The following FLT4 variants were observed in gnomAD, a reference collection of about 807,000 sequenced individuals.
The protein encoded by FLT4 is vascular endothelial growth factor receptor 3.
In FLT4, 30 loss-of-function variants were observed where a neutral mutation model predicts 163.2. That is an observed-to-expected ratio of 0.18 (90% CI 0.14 to 0.25). The LOEUF is 0.25. FLT4 is among the 10% of genes least tolerant of loss of function. The pLI, the probability that FLT4 is intolerant of heterozygous loss-of-function variation, is 1.00. For synonymous variants in FLT4, 884 were observed against 789.5 expected (o/e 1.12, Z -2.01); for missense variants, 1,510 against 1,863.8 (o/e 0.81, Z 3.50).
intron 1 of FLT4, among the ~76,000 whole-genome samples, chr5:180,635,848 G>A (rs111720869): frequency 7.9e-6 from 1 of 126,944 alleles, no homozygotes; most frequent in South Asian, 2.6e-4. Context: ...TGGATGCATG[G>A]ATGGAAGTAT....
intron 1 of FLT4, among the ~76,000 whole-genome samples, chr5:180,646,268 C>T (rs1282242265): frequency 6.6e-6 from 1 of 152,170 alleles, no homozygotes; most frequent in Non-Finnish European, 1.5e-5. Context: ...CTGTCCCCAC[C>T]ATCCCCAGCT....
chr5:180,613,178 C>A, intron 24 of FLT4, 68 bp from the exon 25 acceptor site: 2 of 1,135,704 alleles, frequency 1.8e-6, no homozygotes, highest in South Asian at 2.6e-5. Context: ...CCCCAAGTCA[C>A]CCCATCCTGT....
At chr5:180,625,054 G>C (rs1016482444) in intron 10 of FLT4, among the ~76,000 whole-genome samples, 3 of 152,156 alleles carry the variant, frequency 2.0e-5, no homozygotes, top group Non-Finnish European at 4.4e-5. Context: ...CACCCCTACT[G>C]AGCCTCCCCC....
Position 180,630,185 on chromosome 5 carries a change from GAT to G in FLT4, c.513+38_513+39del. On this transcript the variant is annotated intron_variant, in intron 4 of 29. Transcript: ENST00000261937. This position sits in a 1 kb window ranked among gnomAD's most constrained non-coding sequence, Gnocchi z 6.3. ...AGGCGGCCGCCTTTCCCAGGGGTGG[GAT>G]GGGAGGGTCGGATGCTGGGGTTGGG... The G allele has an allele frequency of 1.3e-6, 1 of 798,986 alleles. No homozygotes were observed. Among genetic ancestry groups the G allele is most frequent in the Non-Finnish European group, 2.0e-6 (1 of 497,356 alleles). The allele number at this position is 798,986 out of a possible 1,614,324, so 49.5% of individuals were successfully genotyped here. A position where few individuals can be genotyped will look rare whatever the true frequency, so the allele number is the denominator to read the frequency against.
At chr5:180,647,718 C>G (rs1393248814) in intron 1 of FLT4, among the ~76,000 whole-genome samples, 1 of 152,034 alleles carries the variant, frequency 6.6e-6, no homozygotes, top group East Asian at 1.9e-4. Context: ...GGAGGGATGA[C>G]CTCTGTCTTC....
At chr5:180,638,976 T>A (rs1764889904) in intron 1 of FLT4, among the ~76,000 whole-genome samples, 2 of 132,302 alleles carry the variant, frequency 1.5e-5, no homozygotes, top group Admixed American at 2.0e-4. Flanking sequence ...CAGTGAACAC[T>A]CGTTGAATGA....
chr5:180,619,934 G>T lies in FLT4; in HGVS notation c.2543-165C>A, dbSNP rs392227. On this transcript the variant is annotated intron_variant, in intron 17 of 29. Coordinates refer to ENST00000261937, the MANE Select transcript of FLT4 (RefSeq NM_182925.5). Reference sequence around the variant, plus strand: ...CAAGGAGAGGTGGACAGGAGGCCGCGCATCCTCCCGGGTAGGTGTGACAGA... The same window carrying T: ...CAAGGAGAGGTGGACAGGAGGCCGCTCATCCTCCCGGGTAGGTGTGACAGA... Among the ~76,000 whole-genome samples the T allele has an allele frequency of 0.61, 92,777 of 151,924 alleles. 28,812 individuals carry two copies. Among genetic ancestry groups the T allele is most frequent in the Admixed American group, 0.7 (10,697 of 15,278 alleles).
chr5:180,622,242 C>T (rs748509430), intron 12 of FLT4, among the ~76,000 whole-genome samples: 3 of 152,068 alleles, frequency 2.0e-5, no homozygotes, highest in Non-Finnish European at 2.9e-5. Context: ...CCCCAGCCCC[C>T]GGGTGTTCTT....
chr5:180,638,460 G>A (rs1764851148), intron 1 of FLT4, among the ~76,000 whole-genome samples: 1 of 152,204 alleles, frequency 6.6e-6, no homozygotes, highest in South Asian at 2.1e-4. Flanking sequence ...CCCCAAAGTG[G>A]CTTCTGGGGC....
In FLT4 at chr5:180,602,194, C is replaced by T. The variant is rs980783526; in HGVS notation, c.*998G>A. On this transcript the variant is annotated 3_prime_UTR_variant, in exon 30 of 30. Coordinates refer to ENST00000261937, the MANE Select transcript of FLT4 (RefSeq NM_182925.5). Reference sequence around the variant, plus strand: ...GCTGGGTGGTCCTTTGTGCCAGCCCCGAGCCTTCCTGAGTGGATCCCACAG... The same window carrying T: ...GCTGGGTGGTCCTTTGTGCCAGCCCTGAGCCTTCCTGAGTGGATCCCACAG... The T allele has an allele frequency of 3.4e-5, 8 of 235,698 alleles. No homozygotes were observed. Among genetic ancestry groups the T allele is most frequent in the Admixed American group, 1.1e-4 (2 of 17,816 alleles). The allele number at this position is 235,698 out of a possible 1,614,324, so 14.6% of individuals were successfully genotyped here. A position where few individuals can be genotyped will look rare whatever the true frequency, so the allele number is the denominator to read the frequency against.
At chr5:180,628,180 G>A (rs762207881) in intron 8 of FLT4, among the ~76,000 whole-genome samples, 5 of 152,162 alleles carry the variant, frequency 3.3e-5, no homozygotes, top group South Asian at 2.1e-4. Context: ...CTGCTTCCTC[G>A]TCTATGCAAT....
rs767403363 is a variant in FLT4 at position 180,612,973 on chromosome 5, GCTGTCCCCAAAAC to G, written c.3431+25_3431+37del. ...CACAACCCCCACGCCCCCGACGCTT[GCTGTCCCCAAAAC>G]CTGCAGGGCCATGGGGAGGCTCACA... On this transcript the variant is annotated intron_variant, in intron 25 of 29. Transcript: ENST00000261937. The G allele has an allele frequency of 3.9e-6, 6 of 1,522,202 alleles. No individual in the cohort carries two copies. The East Asian group carries it at 6.8e-5, about 17-fold the overall frequency. 94.3% of individuals were successfully genotyped at this position (1,522,202 alleles called of 1,614,324 possible).
Position 180,619,031 on chromosome 5 carries a change from C to A in FLT4, c.2840G>T (p.Ser947Ile). Residue 947 changes from serine (S) to isoleucine (I), a missense_variant, in exon 20 of 30, where the codon AGC becomes ATC. Physicochemically the swap from Ser to Ile is moderately radical, Grantham distance 142. This residue lies in a region of FLT4 where 878 missense variants were observed against 1,016.7 expected (regional missense o/e 0.86). Transcript: ENST00000261937. ...AGGCCGCCCGCTCACCGCGCAGGGG[C>A]TGAAGGCGTCCCGCTTGGCGCGCAG... Reference protein sequence around the residue: ...NFLRAKRDAFSPCAEKSPEQR... With the variant: ...NFLRAKRDAFIPCAEKSPEQR... The A allele has an allele frequency of 1.9e-6, 3 of 1,553,428 alleles. No individual in the cohort carries two copies. The highest frequency in any genetic ancestry group is 1.2e-5 in the South Asian group (1 of 84,420).
chr5:180,621,770 G>A lies in FLT4; in HGVS notation c.1792C>T (p.Leu598=). 6.2e-7 allele frequency: 1 copy of A among 1,613,344 alleles called. No homozygotes were observed. The highest frequency in any genetic ancestry group is 1.1e-5 in the South Asian group (1 of 91,088). ...LRWYRLNLST[L]HDAHGNPLLL... is the part of the protein sequence containing the mutation. ...AGCGGGTTCCCGTGCGCATCGTGCAGCGTGGACAGGTTGAGGCGGTACCAG... is the reference window on the plus strand; with the variant it reads ...AGCGGGTTCCCGTGCGCATCGTGCAACGTGGACAGGTTGAGGCGGTACCAG... The change falls in exon 13 of 30, where the codon CTG becomes TTG. Residue 598 remains leucine, a synonymous_variant. Coordinates refer to ENST00000261937, the MANE Select transcript of FLT4 (RefSeq NM_182925.5).
chr5:180,628,779 C>T, intron 8 of FLT4, 103 bp downstream of exon 8: 1 of 807,764 alleles, frequency 1.2e-6, no homozygotes, highest in South Asian at 1.5e-5. Context: ...TCTCCGTGTG[C>T]AGGTCCTGAC....
chr5:180,642,405 C>A (rs904809840), intron 1 of FLT4, among the ~76,000 whole-genome samples: 1 of 152,086 alleles, frequency 6.6e-6, no homozygotes, highest in East Asian at 1.9e-4. Context: ...TAGGAGCTTG[C>A]TGGCCCAGGA....
chr5:180,608,407 C>T, intron 29 of FLT4: 1 of 692,526 alleles, frequency 1.4e-6, no homozygotes. Flanking sequence ...GCGTGCTCAG[C>T]CATTCGGGGC....
In FLT4 at chr5:180,620,336, G is replaced by T. The variant is rs766488698; in HGVS notation, c.2407-28C>A. The T allele has an allele frequency of 9.3e-6, 15 of 1,608,246 alleles. No homozygotes were observed. The African/African-American group carries it at 2.0e-4, about 21-fold the overall frequency. On this transcript the variant is annotated intron_variant, in intron 16 of 29. Transcript: ENST00000261937. The surrounding 1 kb of genome is among the most constrained non-coding windows in gnomAD (Gnocchi z 4.4). Reference sequence around the variant, plus strand: ...GCGGGGAGGGGACAGGGAGGAGTGGGGCAGCTCACTGATTTGGCCATACCA... The same window carrying T: ...GCGGGGAGGGGACAGGGAGGAGTGGTGCAGCTCACTGATTTGGCCATACCA...
intron 7 of FLT4, 90 bp downstream of exon 7, chr5:180,629,169 C>T: frequency 6.4e-7 from 1 of 1,551,248 alleles, no homozygotes. Context: ...CCCTCCCTTC[C>T]CTCTGGCTGG....
Sources: allele counts gnomAD v4.1 joint callset (sites outside exome capture counted in the v4.1 genomes callset), GRCh38; gene constraint gnomAD v4.1.1; regional missense constraint gnomAD v4.1.1; non-coding constraint Gnocchi (gnomAD v3.1); transcripts MANE v1.5; gene names NCBI Gene and HGNC (gene_info 2026-07-23, HGNC 2026-07-21).